Variants in CSMD2 observed in about 807,000 individuals in gnomAD.
CSMD2 encodes the protein CUB and sushi domain-containing protein 2.
CSMD2 carries 130 observed loss-of-function variants against 398.5 expected under a neutral mutation model. The ratio of observed to expected loss-of-function variants is 0.33; its 90% confidence interval spans 0.28 to 0.38. The LOEUF (loss-of-function observed/expected upper bound fraction) is 0.38. Among genes scored for constraint, CSMD2 ranks in the 10% least tolerant of loss-of-function variants. The pLI is 1.00. For synonymous variants in CSMD2, 1,828 were observed against 1,908.5 expected, an observed-to-expected ratio of 0.96 and a Z score of 1.10; for missense variants, 3,829 against 4,764.9, an observed-to-expected ratio of 0.80 and a Z score of 5.78.
In CSMD2 at chr1:33,519,410, A is replaced by T; in HGVS notation, c.*53+55T>A. On this transcript the variant is annotated intron_variant, in intron 70 of 70. Coordinates refer to ENST00000373381, the MANE Select transcript of CSMD2 (RefSeq NM_001281956.2). The surrounding 1 kb of genome is among the most constrained non-coding windows in gnomAD (Gnocchi z 5.6). ...CCGTTGGGTGGAGCCCCTGGCACGC[A>T]TAGGTCCCTGTCTGTGCTTGTCATG... 8.8e-7 allele frequency: 1 copy of T among 1,139,676 alleles called. No homozygotes were observed. Among genetic ancestry groups the T allele is most frequent in the East Asian group, 2.4e-5 (1 of 42,402 alleles). The allele number at this position is 1,139,676 out of a possible 1,614,324, so 70.6% of individuals were successfully genotyped here. A position where few individuals can be genotyped will look rare whatever the true frequency, so the allele number is the denominator to read the frequency against.
chr1:33,734,351 C>T (rs546325840), intron 15 of CSMD2, among the ~76,000 whole-genome samples: 1 of 152,160 alleles, frequency 6.6e-6, no homozygotes, highest in African/African-American at 2.4e-5. Context: ...TTTACAACCA[C>T]CAAGTATTCC....
chr1:34,050,699 T>A (rs976462548), intron 2 of CSMD2, among the ~76,000 whole-genome samples: 6 of 152,188 alleles, frequency 3.9e-5, no homozygotes, highest in African/African-American at 1.4e-4. Context: ...GGGATGGAAA[T>A]AGGAGTAGCT....
At chr1:33,803,225 G>A (rs1157840926) in intron 10 of CSMD2, among the ~76,000 whole-genome samples, 3 of 151,996 alleles carry the variant, frequency 2.0e-5, no homozygotes, top group East Asian at 1.9e-4. Context: ...CTGTCACGAC[G>A]GTATTCTCAG....
At chr1:34,104,315 T>A (rs1405051831) in intron 1 of CSMD2, among the ~76,000 whole-genome samples, 2 of 152,216 alleles carry the variant, frequency 1.3e-5, no homozygotes, top group Non-Finnish European at 2.9e-5. Context: ...CTCAGTTGGT[T>A]CCCTTGGGTG....
At chr1:33,698,730 C>T (rs761745014) in intron 24 of CSMD2, 23 bp downstream of exon 24, 15 of 1,600,416 alleles carry the variant, frequency 9.4e-6, no homozygotes, top group Non-Finnish European at 1.3e-5. Flanking sequence ...CAAGGGTTCC[C>T]TGCAGAGGAA....
chr1:33,617,572 C>A lies in CSMD2; in HGVS notation c.5873G>T (p.Gly1958Val), dbSNP rs1641477012. The change falls in exon 38 of 71, where the codon GGG (glycine) becomes GTG (valine). Residue 1958 changes from glycine (G) to valine (V), a missense_variant. Physicochemically the swap from Gly to Val is moderately radical, Grantham distance 109. Around this residue, in one of 5 missense-constraint regions of CSMD2, gnomAD observed 2,001 missense variants for 2,567.1 expected, o/e 0.78. Coordinates refer to ENST00000373381, the MANE Select transcript of CSMD2 (RefSeq NM_001281956.2). ...CAAGTAGCGCTCGCCAGTCTTCACC[C>A]CGTTACTGGGCACAGCAGGTTCCGG... ...SCPEPAVPSN[G>V]VKTGERYLVN... 2 of 1,614,114 alleles carry A rather than the reference C, an allele frequency of 1.2e-6. No individual in the cohort carries two copies. The highest frequency in any genetic ancestry group is 1.3e-5 in the African/African-American group (1 of 75,032).
intron 48 of CSMD2, among the ~76,000 whole-genome samples, chr1:33,580,391 C>T (rs1638609856): frequency 1.3e-5 from 2 of 152,214 alleles, no homozygotes; most frequent in Non-Finnish European, 1.5e-5. Flanking sequence ...AAATATAGCC[C>T]ATCCTTTGCT....
chr1:34,089,177 G>T lies in CSMD2; in HGVS notation c.204C>A (p.Phe68Leu). ...VSAAAGQNCTFQLHGPNGTVE... is the reference protein window; with the variant it reads ...VSAAAGQNCTLQLHGPNGTVE... Reference sequence around the variant, plus strand: ...CTGTCCCATTGGGACCGTGCAGTTGGAACGTGCAGTTCTGGCCTGGGAAAG... The same window carrying T: ...CTGTCCCATTGGGACCGTGCAGTTGTAACGTGCAGTTCTGGCCTGGGAAAG... Residue 68 changes from phenylalanine to leucine, a missense_variant, in exon 2 of 71, where the codon TTC (phenylalanine) becomes TTA (leucine). Phe to Leu is a conservative substitution (Grantham distance 22). Around this residue, in one of 5 missense-constraint regions of CSMD2, gnomAD observed 184 missense variants for 217.7 expected, o/e 0.85. Coordinates refer to ENST00000373381, the MANE Select transcript of CSMD2 (RefSeq NM_001281956.2). 6.2e-7 allele frequency: 1 copy of T among 1,614,150 alleles called. No individual in the cohort carries two copies. The highest frequency in any genetic ancestry group is 1.1e-5 in the South Asian group (1 of 91,066).
intron 13 of CSMD2, among the ~76,000 whole-genome samples, chr1:33,744,931 G>A (rs4578181): frequency 0.32 from 47,965 of 152,066 alleles, 9,752 homozygotes; most frequent in African/African-American, 0.58. Flanking sequence ...CAGAGCCACA[G>A]AACTACTCAA....
Position 34,163,150 on chromosome 1 carries a change from C to A in CSMD2, c.187+1761G>T, listed in dbSNP as rs1024651299. Among the ~76,000 whole-genome samples, 2 of 152,262 alleles carry A rather than the reference C, an allele frequency of 1.3e-5. No individual in the cohort carries two copies. Among genetic ancestry groups the A allele is most frequent in the Non-Finnish European group, 2.9e-5 (2 of 68,048 alleles). Reference sequence around the variant, plus strand: ...GCCAGAAAAACAATTCAGTCCGATGCCGAGACATTCTCCAATCAGCTAAGC... The same window carrying A: ...GCCAGAAAAACAATTCAGTCCGATGACGAGACATTCTCCAATCAGCTAAGC... On this transcript the variant is annotated intron_variant, in intron 1 of 70. Coordinates refer to ENST00000373381, the MANE Select transcript of CSMD2 (RefSeq NM_001281956.2). This position sits in a 1 kb window ranked among gnomAD's most constrained non-coding sequence, Gnocchi z 5.4.
intron 37 of CSMD2, 29 bp from the exon 38 acceptor site, chr1:33,617,646 A>G: frequency 6.4e-7 from 1 of 1,558,702 alleles, no homozygotes; most frequent in East Asian, 2.2e-5. Context: ...GAAGGAAAGG[A>G]GAATGGACTA....
intron 1 of CSMD2, among the ~76,000 whole-genome samples, chr1:34,129,642 ACT>A (rs1663122838): frequency 6.6e-6 from 1 of 152,028 alleles, no homozygotes; most frequent in Non-Finnish European, 1.5e-5. Context: ...ATAGAGCAAG[ACT>A]CTGTCTCAAA....
chr1:33,577,193 T>C, intron 49 of CSMD2, 103 bp downstream of exon 49: 1 of 1,062,432 alleles, frequency 9.4e-7, no homozygotes, highest in Non-Finnish European at 1.4e-6. Context: ...GAAATAATTA[T>C]CAAAGAGGAA....
intron 5 of CSMD2, among the ~76,000 whole-genome samples, chr1:33,883,304 T>C (rs113373970): frequency 9.8e-4 from 149 of 152,304 alleles, no homozygotes; most frequent in African/African-American, 3.5e-3. Flanking sequence ...AGCAACCAGC[T>C]GTGTGTAGTT....
chr1:33,971,540 C>T (rs879523791), intron 3 of CSMD2, among the ~76,000 whole-genome samples: 1 of 152,296 alleles, frequency 6.6e-6, no homozygotes, highest in Non-Finnish European at 1.5e-5. Context: ...CTGTGCTGTG[C>T]GTGGGTGAGA....
intron 1 of CSMD2, among the ~76,000 whole-genome samples, chr1:34,117,686 C>A (rs995683439): frequency 1.3e-5 from 2 of 151,678 alleles, no homozygotes; most frequent in Admixed American, 1.3e-4. Flanking sequence ...AACTACAGAC[C>A]AATATACCTG....
chr1:33,575,819 G>GT (rs1224414561), intron 49 of CSMD2, among the ~76,000 whole-genome samples: 4 of 152,178 alleles, frequency 2.6e-5, no homozygotes, highest in African/African-American at 9.6e-5. Context: ...ATAGCACATT[G>GT]TTTTTGTTCT....
Position 33,616,955 on chromosome 1 carries a change from G to A in CSMD2, c.5967C>T (p.Cys1989=). 6.2e-7 allele frequency: 1 copy of A among 1,614,172 alleles called. No homozygotes were observed. Among genetic ancestry groups the A allele is most frequent in the Non-Finnish European group, 8.5e-7 (1 of 1,180,020 alleles). The change falls in exon 39 of 71, where the codon TGC becomes TGT. Residue 1989 remains cysteine (C), a synonymous_variant. Coordinates refer to ENST00000373381, the MANE Select transcript of CSMD2 (RefSeq NM_001281956.2). ...YALQGHAHIS[C]MPGTVRRWNY... is the part of the protein sequence containing the mutation. ...TCCATCGCCGCACTGTTCCGGGCATGCAGGAGATGTGGGCGTGGCCCTGGA... is the reference window on the plus strand; with the variant it reads ...TCCATCGCCGCACTGTTCCGGGCATACAGGAGATGTGGGCGTGGCCCTGGA...
intron 9 of CSMD2, 88 bp from the exon 10 acceptor site, chr1:33,810,952 C>T: frequency 1.4e-6 from 2 of 1,449,520 alleles, no homozygotes; most frequent in Non-Finnish European, 1.9e-6. Flanking sequence ...GAAGACACTG[C>T]ATCTGTACAG....
Sources: gnomAD v4.1 joint callset for allele counts (sites outside exome capture counted in the v4.1 genomes callset) on GRCh38, gnomAD v4.1.1 for gene constraint, gnomAD v4.1.1 regional missense constraint, Gnocchi (gnomAD v3.1) non-coding constraint, MANE v1.5 for transcripts, NCBI Gene and HGNC (gene_info 2026-07-23, HGNC 2026-07-21) for gene names.